Variants in ATP6V0B observed in about 807,000 individuals in gnomAD.
ATP6V0B encodes ATPase H+ transporting V0 subunit b.
In ATP6V0B, 4 loss-of-function variants were observed where a neutral mutation model predicts 26.2. The observed-to-expected ratio is 0.15, with a 90% confidence interval of 0.08 to 0.35. The LOEUF (loss-of-function observed/expected upper bound fraction) is 0.35. Ranked by LOEUF, ATP6V0B falls within the 10% of genes least tolerant of loss-of-function variation. The probability of loss-of-function intolerance (pLI) is 1.00; values close to 1 mark genes in which losing one functional copy is unlikely to be tolerated. For synonymous variants in ATP6V0B, 110 were observed against 105.8 expected (o/e 1.04, Z -0.24); for missense variants, 175 against 272.5 (o/e 0.64, Z 2.52).
chr1:43,978,144 AT>A lies in ATP6V0B; in HGVS notation c.*140del, dbSNP rs2085546554. 1.5e-6 allele frequency: 2 copies of A among 1,306,386 alleles called. No homozygotes were observed. The highest frequency in any genetic ancestry group is 2.2e-6 in the Non-Finnish European group (2 of 912,290). 80.9% of individuals were successfully genotyped at this position (1,306,386 alleles called of 1,614,324 possible). On this transcript the variant is annotated 3_prime_UTR_variant, in exon 8 of 8. Transcript: ENST00000472174. ...TGCACTCCCCTCTTGCTGCGTGTTGATTTGGAGGCACTGCAGTCCAGGCCGA... is the reference window on the plus strand; with the variant it reads ...TGCACTCCCCTCTTGCTGCGTGTTGATTGGAGGCACTGCAGTCCAGGCCGA...
In ATP6V0B at chr1:43,976,940, C is replaced by T. The variant is rs2085526923; in HGVS notation, c.401-86C>T. The T allele has an allele frequency of 1.2e-6, 2 of 1,602,092 alleles. No individual in the cohort carries two copies. The highest frequency in any genetic ancestry group is 1.7e-6 in the Non-Finnish European group (2 of 1,169,908). On this transcript the variant is annotated intron_variant, in intron 6 of 7. Transcript: ENST00000472174. This position sits in a 1 kb window ranked among gnomAD's most constrained non-coding sequence, Gnocchi z 4.6. ...TCTCTCACCTACTTTTTCTGCTTTGCAGAGTGGGGATGGTGATTGGCCCCA... is the reference window on the plus strand; with the variant it reads ...TCTCTCACCTACTTTTTCTGCTTTGTAGAGTGGGGATGGTGATTGGCCCCA...
rs1027690058 is a variant in ATP6V0B, at chr1:43,978,074, C to T, written c.*67C>T. 1.5e-5 allele frequency: 24 copies of T among 1,608,158 alleles called. No individual in the cohort carries two copies. The highest frequency in any genetic ancestry group is 1.5e-5 in the Non-Finnish European group (18 of 1,174,796). ...GCTGGTTTTCCTGGGACAGCTGGAG[C>T]TGTGTCCCTTAGCCTTTCAGAGGCT... On this transcript the variant is annotated 3_prime_UTR_variant, in exon 8 of 8. Coordinates refer to ENST00000472174, the MANE Select transcript of ATP6V0B (RefSeq NM_004047.5).
At chr1:43,977,654 TTGTG>T (rs2085537302) in intron 7 of ATP6V0B, 4 of 1,421,176 alleles carry the variant, frequency 2.8e-6, no homozygotes, top group Non-Finnish European at 3.7e-6. Context: ...ATTGTCTAAA[TTGTG>T]TGTGTCTAGT....
Position 43,975,085 on chromosome 1 carries a change from C to A in ATP6V0B, c.45C>A (p.Phe15Leu). 1 of 1,408,504 alleles carries A rather than the reference C, an allele frequency of 7.1e-7. No homozygotes were observed. The allele number at this position is 1,408,504 out of a possible 1,614,324, so 87.3% of individuals were successfully genotyped here. ...ALLYSGVFVA[F>L]WACALAVGVC... is the part of the protein sequence containing the mutation. Reference sequence around the variant, plus strand: ...TCTACTCCGGGGTCTTCGTGGCCTTCTGGGCCTGCGCGCTGGCCGTGGGTG... The same window carrying A: ...TCTACTCCGGGGTCTTCGTGGCCTTATGGGCCTGCGCGCTGGCCGTGGGTG... The change falls in exon 1 of 8, where the codon TTC becomes TTA. Residue 15 changes from phenylalanine (F) to leucine (L), a missense_variant. Coordinates refer to ENST00000472174, the MANE Select transcript of ATP6V0B (RefSeq NM_004047.5).
chr1:43,978,118 C>G lies in ATP6V0B; in HGVS notation c.*111C>G, dbSNP rs2085546050. On this transcript the variant is annotated 3_prime_UTR_variant, in exon 8 of 8. Transcript: ENST00000472174. The stretch of plus-strand genomic sequence containing the variant: ...AGAGGCTTGGTGTTCAGGGCCCTCC[C>G]TGCACTCCCCTCTTGCTGCGTGTTG... 1 of 1,457,930 alleles carries G rather than the reference C, an allele frequency of 6.9e-7. No homozygotes were observed. The highest frequency in any genetic ancestry group is 9.6e-7 in the Non-Finnish European group (1 of 1,041,736). The allele number at this position is 1,457,930 out of a possible 1,614,324, so 90.3% of individuals were successfully genotyped here.
intron 7 of ATP6V0B, chr1:43,977,421 T>G: frequency 6.8e-7 from 1 of 1,475,454 alleles, no homozygotes; most frequent in South Asian, 1.4e-5. Flanking sequence ...ACAACAGCCC[T>G]GTTCTTTTTC....
chr1:43,978,224 T>C lies in ATP6V0B; in HGVS notation c.*217T>C. On this transcript the variant is annotated 3_prime_UTR_variant, in exon 8 of 8. Coordinates refer to ENST00000472174, the MANE Select transcript of ATP6V0B (RefSeq NM_004047.5). ...TGCTGACTCTGTGCAGCTGCGCACC[T>C]GTGTCCCCCACCTCCACCCTCAACC... The C allele has an allele frequency of 1.6e-6, 1 of 639,186 alleles. No individual in the cohort carries two copies. The highest frequency in any genetic ancestry group is 2.7e-5 in the East Asian group (1 of 36,928). The allele number at this position is 639,186 out of a possible 1,614,324, so 39.6% of individuals were successfully genotyped here.
chr1:43,975,710 G>A (rs2085512288), intron 1 of ATP6V0B, 90 bp from the exon 2 acceptor site: 1 of 1,470,320 alleles, frequency 6.8e-7, no homozygotes, highest in Non-Finnish European at 9.5e-7. Context: ...CTTCAGGGAG[G>A]TGGCCCTTCA....
chr1:43,978,097 G>T lies in ATP6V0B; in HGVS notation c.*90G>T, dbSNP rs1034577904. 3.8e-6 allele frequency: 6 copies of T among 1,588,206 alleles called. No individual in the cohort carries two copies. The highest frequency in any genetic ancestry group is 5.2e-6 in the Non-Finnish European group (6 of 1,157,420). On this transcript the variant is annotated 3_prime_UTR_variant, in exon 8 of 8. Coordinates refer to ENST00000472174, the MANE Select transcript of ATP6V0B (RefSeq NM_004047.5). The stretch of plus-strand genomic sequence containing the variant: ...AGCTGTGTCCCTTAGCCTTTCAGAG[G>T]CTTGGTGTTCAGGGCCCTCCCTGCA...
chr1:43,974,972 G>C lies in ATP6V0B; in HGVS notation c.-69G>C. On this transcript the variant is annotated 5_prime_UTR_variant, in exon 1 of 8. Transcript: ENST00000472174. ...GGGGCGGGCGGACAGACTGCGGGAC[G>C]GACGGTGGACGCTGGGACGCGTTTG... 5.1e-6 allele frequency: 6 copies of C among 1,177,188 alleles called. No individual in the cohort carries two copies. Among genetic ancestry groups the C allele is most frequent in the Non-Finnish European group, 5.4e-6 (5 of 927,058 alleles). The allele number at this position is 1,177,188 out of a possible 1,614,324, so 72.9% of individuals were successfully genotyped here.
chr1:43,975,905 CT>C (rs1312153398), intron 2 of ATP6V0B, 57 bp downstream of exon 2: 1 of 1,541,842 alleles, frequency 6.5e-7, no homozygotes, highest in Non-Finnish European at 8.8e-7. Context: ...AGCCTCTCTT[CT>C]TTTCTCTGGT....
Position 43,976,194 on chromosome 1 carries a change from A to G in ATP6V0B, c.200+21A>G. 1.2e-6 allele frequency: 2 copies of G among 1,612,130 alleles called. No individual in the cohort carries two copies. Among genetic ancestry groups the G allele is most frequent in the South Asian group, 1.1e-5 (1 of 91,008 alleles). ...GCCTGGTGAGTATTGGGGTGGTGGG[A>G]CTGGGGGCAGGGGCTGAGTCATGGC... On this transcript the variant is annotated intron_variant, in intron 3 of 7. Transcript: ENST00000472174. This position sits in a 1 kb window ranked among gnomAD's most constrained non-coding sequence, Gnocchi z 4.6.
Position 43,975,048 on chromosome 1 carries a change from G to A in ATP6V0B, c.8G>A (p.Gly3Glu). 2 of 1,361,404 alleles carry A rather than the reference G, an allele frequency of 1.5e-6. No individual in the cohort carries two copies. Among genetic ancestry groups the A allele is most frequent in the Non-Finnish European group, 9.5e-7 (1 of 1,058,110 alleles). The allele number at this position is 1,361,404 out of a possible 1,614,324, so 84.3% of individuals were successfully genotyped here. A position where few individuals can be genotyped will look rare whatever the true frequency, so the allele number is the denominator to read the frequency against. Residue 3 changes from glycine (G) to glutamate (E), a missense_variant, in exon 1 of 8, where the codon GGG becomes GAG. Gly to Glu is a moderately conservative substitution (Grantham distance 98). This residue lies in a region of ATP6V0B where 75 missense variants were observed against 94.7 expected (regional missense o/e 0.79). Coordinates refer to ENST00000472174, the MANE Select transcript of ATP6V0B (RefSeq NM_004047.5). Reference sequence around the variant, plus strand: ...CCCGCCGCCGTCGCCGCCATGACGGGGCTAGCACTGCTCTACTCCGGGGTC... The same window carrying A: ...CCCGCCGCCGTCGCCGCCATGACGGAGCTAGCACTGCTCTACTCCGGGGTC... MTGLALLYSGVFV... is the reference protein window; with the variant it reads MTELALLYSGVFV...
chr1:43,978,236 C>T lies in ATP6V0B; in HGVS notation c.*229C>T. ...GCAGCTGCGCACCTGTGTCCCCCAC[C>T]TCCACCCTCAACCCATCTTCCTAGT... On this transcript the variant is annotated 3_prime_UTR_variant, in exon 8 of 8. Coordinates refer to ENST00000472174, the MANE Select transcript of ATP6V0B (RefSeq NM_004047.5). The T allele has an allele frequency of 1.6e-6, 1 of 616,970 alleles. No homozygotes were observed. The highest frequency in any genetic ancestry group is 2.9e-6 in the Non-Finnish European group (1 of 347,556). The allele number at this position is 616,970 out of a possible 1,614,324, so 38.2% of individuals were successfully genotyped here.
intron 1 of ATP6V0B, 29 bp downstream of exon 1, chr1:43,975,136 A>C: frequency 7.1e-7 from 1 of 1,411,298 alleles, no homozygotes; most frequent in Non-Finnish European, 9.2e-7. Flanking sequence ...GGGCGGGAGC[A>C]GCATCGCGGC....
intron 1 of ATP6V0B, 198 bp downstream of exon 1, chr1:43,975,305 CG>C: frequency 1.7e-6 from 1 of 585,814 alleles, no homozygotes; most frequent in African/African-American, 2.0e-5. Context: ...GGGGTGCGGG[CG>C]GGTAGGGGCC....
intron 1 of ATP6V0B, 105 bp downstream of exon 1, chr1:43,975,212 C>A: frequency 2.3e-6 from 3 of 1,303,584 alleles, no homozygotes; most frequent in South Asian, 1.5e-5. Context: ...CCCGCGCGCT[C>A]TGCACCCGAG....
chr1:43,977,787 G>A (rs2428953), intron 7 of ATP6V0B, 194 bp from the exon 8 acceptor site: 189,719 of 1,508,202 alleles, frequency 0.13, 15,574 homozygotes, highest in African/African-American at 0.37. Context: ...ACTTCTCTCC[G>A]TCTGTCCCAC....
In ATP6V0B at chr1:43,976,969, G is replaced by T; in HGVS notation, c.401-57G>T. On this transcript the variant is annotated intron_variant, in intron 6 of 7. Transcript: ENST00000472174. The surrounding 1 kb of genome is among the most constrained non-coding windows in gnomAD (Gnocchi z 4.6). ...GTGGGGATGGTGATTGGCCCCATTA[G>T]CCCATATCTCCCCCATTCCTGGCTT... 1 of 1,600,772 alleles carries T rather than the reference G, an allele frequency of 6.2e-7. No individual in the cohort carries two copies. The highest frequency in any genetic ancestry group is 8.5e-7 in the Non-Finnish European group (1 of 1,170,324).
Sources: gnomAD v4.1 joint callset for allele counts on GRCh38, gnomAD v4.1.1 for gene constraint, gnomAD v4.1.1 regional missense constraint, Gnocchi (gnomAD v3.1) non-coding constraint, MANE v1.5 for transcripts, NCBI Gene and HGNC (gene_info 2026-07-23, HGNC 2026-07-21) for gene names.